TNFSF4: variants seen among roughly 807,000 people sequenced by gnomAD.
TNFSF4 encodes the protein TNF superfamily member 4, also known as tumor necrosis factor ligand superfamily member 4.
TNFSF4 carries 4 observed loss-of-function variants against 7.3 expected under a neutral mutation model. That is an observed-to-expected ratio of 0.55 (90% CI 0.27 to 1.25). TNFSF4 has a LOEUF of 1.25. Ranked by LOEUF, TNFSF4 falls within the 50% of genes most tolerant of loss-of-function variation. The pLI is 0.12. For missense variants in TNFSF4, 181 were observed against 208.8 expected, an observed-to-expected ratio of 0.87 and a Z score of 0.82; for synonymous variants, 76 against 83.7, an observed-to-expected ratio of 0.91 and a Z score of 0.50.
the TNFSF4 span, among the ~76,000 whole-genome samples, chr1:173,445,148 C>T: frequency 1.3e-5 from 2 of 152,138 alleles, no homozygotes; most frequent in Non-Finnish European, 2.9e-5. Flanking sequence ...ATAAAGCCTA[C>T]CTCTTCTGCT....
At chr1:173,437,542 CCTT>C in the TNFSF4 span, among the ~76,000 whole-genome samples, 1 of 152,080 alleles carries the variant, frequency 6.6e-6, no homozygotes, top group Non-Finnish European at 1.5e-5. Flanking sequence ...TTTTTAGTGT[CCTT>C]CTCCCACATT....
the TNFSF4 span, among the ~76,000 whole-genome samples, chr1:173,292,356 C>A: frequency 6.6e-6 from 1 of 152,034 alleles, no homozygotes; most frequent in Non-Finnish European, 1.5e-5. Context: ...TGTGACTCAC[C>A]ACATAACAGA....
At chr1:173,182,766 C>G (rs1263572787), downstream of TNFSF4, among the ~76,000 whole-genome samples, 4 of 152,116 alleles carry the variant, frequency 2.6e-5, no homozygotes, top group East Asian at 5.8e-4. Context: ...ATTGAAGGCA[C>G]AAGAATCAAT....
At chr1:173,409,681 A>AT in the TNFSF4 span, among the ~76,000 whole-genome samples, 2 of 152,190 alleles carry the variant, frequency 1.3e-5, no homozygotes, top group African/African-American at 2.4e-5. Flanking sequence ...GCTTTTAGTG[A>AT]TTTTTTCTTA....
chr1:173,224,925 A>G, the TNFSF4 span, among the ~76,000 whole-genome samples: 150 of 152,234 alleles, frequency 9.9e-4, no homozygotes, highest in African/African-American at 3.4e-3. Flanking sequence ...TTTGCAATTA[A>G]TTGACTACAC....
chr1:173,403,004 C>T, the TNFSF4 span, among the ~76,000 whole-genome samples: 1 of 152,128 alleles, frequency 6.6e-6, no homozygotes, highest in Non-Finnish European at 1.5e-5. Context: ...AGGTGCTCAC[C>T]ACGATACCCA....
the TNFSF4 span, among the ~76,000 whole-genome samples, chr1:173,447,602 G>C: frequency 6.6e-6 from 1 of 151,810 alleles, no homozygotes; most frequent in African/African-American, 2.4e-5. Flanking sequence ...GGAAATTTTA[G>C]AAGTGAAAAA....
chr1:173,387,589 G>A, the TNFSF4 span, among the ~76,000 whole-genome samples: 5 of 152,210 alleles, frequency 3.3e-5, no homozygotes, highest in African/African-American at 7.2e-5. Context: ...GTTGAGTTAA[G>A]AGATTCCTTC....
the TNFSF4 span, among the ~76,000 whole-genome samples, chr1:173,261,676 A>C: frequency 6.6e-6 from 1 of 152,202 alleles, no homozygotes. Context: ...AAATACAAAC[A>C]ACCATTAGGG....
chr1:173,191,768 T>C (rs928067759), intron 1 of TNFSF4, among the ~76,000 whole-genome samples: 2 of 152,198 alleles, frequency 1.3e-5, no homozygotes, highest in African/African-American at 4.8e-5. Flanking sequence ...CCTTTATACA[T>C]GTGAAAATAA....
the TNFSF4 span, among the ~76,000 whole-genome samples, chr1:173,178,390 C>T: frequency 1.3e-4 from 19 of 151,942 alleles, no homozygotes; most frequent in Non-Finnish European, 7.4e-5. Context: ...CCTGGCTAAA[C>T]GATGAAACCC....
At chr1:173,218,184 T>A in the TNFSF4 span, among the ~76,000 whole-genome samples, 1 of 152,180 alleles carries the variant, frequency 6.6e-6, no homozygotes, top group African/African-American at 2.4e-5. Flanking sequence ...CAGGGAGCAC[T>A]CATATGCTCC....
the TNFSF4 span, among the ~76,000 whole-genome samples, chr1:173,239,992 C>G: frequency 6.6e-6 from 1 of 152,130 alleles, no homozygotes; most frequent in Non-Finnish European, 1.5e-5. Flanking sequence ...CATCACGCCA[C>G]TGTACTCCAG....
At chr1:173,349,529 T>G in the TNFSF4 span, among the ~76,000 whole-genome samples, 1 of 152,200 alleles carries the variant, frequency 6.6e-6, no homozygotes, top group African/African-American at 2.4e-5. Context: ...GCTGCAGTAT[T>G]AGTTCTGTCT....
At chr1:173,240,964 C>A in the TNFSF4 span, among the ~76,000 whole-genome samples, 2 of 152,194 alleles carry the variant, frequency 1.3e-5, no homozygotes, top group Admixed American at 6.5e-5. Flanking sequence ...ATCAGGATTT[C>A]TCTTTCTGCC....
the TNFSF4 span, among the ~76,000 whole-genome samples, chr1:173,450,627 A>G: frequency 6.6e-6 from 1 of 151,820 alleles, no homozygotes; most frequent in African/African-American, 2.4e-5. Context: ...AACATTTGAA[A>G]AGCCATCAAT....
the TNFSF4 span, among the ~76,000 whole-genome samples, chr1:173,281,263 A>G: frequency 6.6e-6 from 1 of 152,188 alleles, no homozygotes; most frequent in South Asian, 2.1e-4. Flanking sequence ...TGATTTCAAT[A>G]TATGGAAGAA....
At chr1:173,308,513 A>T in the TNFSF4 span, among the ~76,000 whole-genome samples, 1 of 151,952 alleles carries the variant, frequency 6.6e-6, no homozygotes, top group Non-Finnish European at 1.5e-5. Flanking sequence ...ACTTCTTAAA[A>T]AAAATCCTAT....
At chr1:173,382,853 A>G in the TNFSF4 span, among the ~76,000 whole-genome samples, 12 of 147,152 alleles carry the variant, frequency 8.2e-5, no homozygotes, top group South Asian at 2.6e-3. Flanking sequence ...GTGGGGCACC[A>G]TTCTAAGAGA....
Sources: gnomAD v4.1 joint callset for allele counts (sites outside exome capture counted in the v4.1 genomes callset) on GRCh38, gnomAD v4.1.1 for gene constraint, MANE v1.5 for transcripts, NCBI Gene and HGNC (gene_info 2026-07-23, HGNC 2026-07-21) for gene names.